LRP1B: variants seen among roughly 807,000 people sequenced by gnomAD.
LRP1B encodes the protein low-density lipoprotein receptor-related protein 1B.
A neutral mutation model predicts 556.6 loss-of-function variants in LRP1B; 217 were observed. That is an observed-to-expected ratio of 0.39 (90% confidence interval 0.35 to 0.44). LRP1B has a LOEUF of 0.44. Ranked by LOEUF, LRP1B falls within the 20% of genes least tolerant of loss-of-function variation. LRP1B has a pLI of 1.00. For missense variants in LRP1B, 5,053 were observed against 5,620.8 expected (o/e 0.90, Z 3.23); for synonymous variants, 2,047 against 1,865.8 (o/e 1.10, Z -2.50).
intron 1 of LRP1B, among the ~76,000 whole-genome samples, chr2:141,869,993 AT>A (rs1260395128): frequency 6.6e-6 from 1 of 151,962 alleles, no homozygotes; most frequent in Non-Finnish European, 1.5e-5. Context: ...AAGGATCACA[AT>A]TTTTTTCCTG....
intron 1 of LRP1B, among the ~76,000 whole-genome samples, chr2:141,986,595 T>C (rs1048888940): frequency 1.3e-5 from 2 of 152,004 alleles, no homozygotes; most frequent in Admixed American, 6.6e-5. Flanking sequence ...TATTTTGATC[T>C]TAGATTATGC....
intron 78 of LRP1B, 87 bp downstream of exon 78, chr2:140,335,528 C>T: frequency 1.2e-6 from 1 of 807,876 alleles, no homozygotes; most frequent in Non-Finnish European, 2.2e-6. Context: ...ACATTGAACA[C>T]TCATTACAGA....
At chr2:141,546,657 G>A (rs1685564370) in intron 2 of LRP1B, among the ~76,000 whole-genome samples, 1 of 152,162 alleles carries the variant, frequency 6.6e-6, no homozygotes, top group African/African-American at 2.4e-5. Flanking sequence ...TGAGGAAGGA[G>A]AAAAGATTCC....
chr2:140,302,278 C>T (rs567635787), intron 83 of LRP1B, among the ~76,000 whole-genome samples: 1 of 152,156 alleles, frequency 6.6e-6, no homozygotes, highest in South Asian at 2.1e-4. Flanking sequence ...GCTCCTTCTT[C>T]TTCCTAAACT....
At chr2:141,358,730 T>C (rs1346832543) in intron 3 of LRP1B, among the ~76,000 whole-genome samples, 1 of 152,188 alleles carries the variant, frequency 6.6e-6, no homozygotes, top group East Asian at 1.9e-4. Context: ...CTTGAAAGAA[T>C]AGATAGCAAC....
intron 85 of LRP1B, 60 bp downstream of exon 85, chr2:140,274,364 G>A (rs868821871): frequency 7.0e-7 from 1 of 1,429,878 alleles, no homozygotes; most frequent in Non-Finnish European, 9.8e-7. Flanking sequence ...ATTTATTACT[G>A]AACTGCAATG....
At chr2:140,433,859 G>A (rs566667788) in intron 66 of LRP1B, among the ~76,000 whole-genome samples, 2 of 147,816 alleles carry the variant, frequency 1.4e-5, no homozygotes, top group Non-Finnish European at 3.0e-5. Flanking sequence ...TCAAATATCA[G>A]TCAAAATGCA....
At chr2:140,462,878 G>A (rs1687379594) in intron 60 of LRP1B, among the ~76,000 whole-genome samples, 2 of 152,252 alleles carry the variant, frequency 1.3e-5, no homozygotes, top group African/African-American at 4.8e-5. Flanking sequence ...AGAGAACAAA[G>A]TATGCTCATT....
chr2:141,326,042 G>T (rs931266326), intron 3 of LRP1B, among the ~76,000 whole-genome samples: 1 of 152,066 alleles, frequency 6.6e-6, no homozygotes, highest in Non-Finnish European at 1.5e-5. Context: ...CATTAAACTT[G>T]TGATGATTAT....
intron 7 of LRP1B, among the ~76,000 whole-genome samples, chr2:141,112,047 A>AAAATAAATAAAT (rs1163850427): frequency 2.0e-5 from 2 of 99,410 alleles, no homozygotes; most frequent in African/African-American, 7.1e-5. Context: ...CCCTGCCTCA[A>AAAATAAATAAAT]AAATAAATAA....
intron 7 of LRP1B, among the ~76,000 whole-genome samples, chr2:141,140,330 A>C (rs575178098): frequency 3.9e-5 from 6 of 152,262 alleles, no homozygotes; most frequent in African/African-American, 1.4e-4. Flanking sequence ...TATAATAATA[A>C]AAATTTTTTA....
At chr2:140,424,534 C>A (rs1003896510) in intron 66 of LRP1B, among the ~76,000 whole-genome samples, 2 of 152,164 alleles carry the variant, frequency 1.3e-5, no homozygotes. Context: ...AAGTTACAGA[C>A]ATTTTTTAAT....
chr2:142,043,855 G>T (rs752085319), intron 1 of LRP1B, among the ~76,000 whole-genome samples: 3 of 151,638 alleles, frequency 2.0e-5, no homozygotes, highest in Non-Finnish European at 4.4e-5. Context: ...AAAAGAAACA[G>T]ATGTGATTTA....
intron 3 of LRP1B, among the ~76,000 whole-genome samples, chr2:141,426,608 G>A (rs1680373210): frequency 1.3e-5 from 2 of 152,100 alleles, no homozygotes; most frequent in Non-Finnish European, 2.9e-5. Context: ...ATAAACTGAG[G>A]CTGGAAAGGA....
At chr2:141,791,198 A>G (rs1005047888) in intron 2 of LRP1B, among the ~76,000 whole-genome samples, 18 of 152,170 alleles carry the variant, frequency 1.2e-4, no homozygotes, top group African/African-American at 4.1e-4. Context: ...TACATGAAAA[A>G]TAGTAAAAAG....
chr2:141,273,236 G>C (rs1444113569), intron 3 of LRP1B, among the ~76,000 whole-genome samples: 1 of 151,822 alleles, frequency 6.6e-6, no homozygotes, highest in Non-Finnish European at 1.5e-5. Flanking sequence ...TTGTACCCAG[G>C]AGGTAGGGGT....
intron 11 of LRP1B, among the ~76,000 whole-genome samples, chr2:141,037,842 C>A (rs1359442801): frequency 6.6e-6 from 1 of 151,742 alleles, no homozygotes; most frequent in Non-Finnish European, 1.5e-5. Flanking sequence ...CTTCCAAAAA[C>A]CTTGCAAGCA....
At chr2:142,052,420 C>CT (rs1704494085) in intron 1 of LRP1B, among the ~76,000 whole-genome samples, 1 of 152,088 alleles carries the variant, frequency 6.6e-6, no homozygotes, top group African/African-American at 2.4e-5. Context: ...TTATCCATGA[C>CT]TCTTGACAAC....
intron 45 of LRP1B, 144 bp from the exon 46 acceptor site, chr2:140,536,853 A>T: frequency 1.4e-6 from 1 of 702,142 alleles, no homozygotes; most frequent in Non-Finnish European, 2.3e-6. Context: ...GGTTTATGAC[A>T]TTTCTTTATG....
Sources: gnomAD v4.1 joint callset for allele counts (sites outside exome capture counted in the v4.1 genomes callset) on GRCh38, gnomAD v4.1.1 for gene constraint, MANE v1.5 for transcripts, NCBI Gene and HGNC (gene_info 2026-07-23, HGNC 2026-07-21) for gene names.